NAV3: variants seen among roughly 807,000 people sequenced by gnomAD.
NAV3 encodes neuron navigator 3, also known as pore membrane and/or filament interacting like protein 1.
A neutral mutation model predicts 244.7 loss-of-function variants in NAV3; 87 were observed. The observed-to-expected ratio is 0.36, with a 90% CI of 0.30 to 0.42. NAV3 has a LOEUF of 0.42. Among genes scored for constraint, NAV3 ranks in the 20% least tolerant of loss-of-function variants. The probability of loss-of-function intolerance (pLI) is 1.00; values close to 1 mark genes in which losing one functional copy is unlikely to be tolerated. For synonymous variants in NAV3, 1,126 were observed against 1,042.2 expected (o/e 1.08, Z -1.55); for missense variants, 2,663 against 2,893.3 (o/e 0.92, Z 1.83).
chr12:77,731,848 G>A (rs1345797685), intron 2 of NAV3, among the ~76,000 whole-genome samples: 1 of 151,902 alleles, frequency 6.6e-6, no homozygotes, highest in African/African-American at 2.4e-5. Context: ...TGCTGAAGAA[G>A]CGGAGATTGC....
intron 2 of NAV3, among the ~76,000 whole-genome samples, chr12:77,755,044 C>T (rs1869062830): frequency 6.6e-6 from 1 of 152,014 alleles, no homozygotes; most frequent in Admixed American, 6.5e-5. Flanking sequence ...AAAACAATTC[C>T]AAACCTGAAT....
intron 23 of NAV3, among the ~76,000 whole-genome samples, chr12:78,168,201 T>A (rs1213849496): frequency 6.6e-6 from 1 of 151,770 alleles, no homozygotes; most frequent in Non-Finnish European, 1.5e-5. Flanking sequence ...GACTTTGATA[T>A]GGCATCAGAA....
chr12:78,155,674 C>T (rs2139344887), intron 22 of NAV3, among the ~76,000 whole-genome samples: 1 of 152,172 alleles, frequency 6.6e-6, no homozygotes. Context: ...TCTGCAGCAC[C>T]TGTTATTTCT....
rs1377149299 is a variant in NAV3 at position 78,177,625 on chromosome 12, C to A, written c.5303C>A (p.Pro1768His). ...MKPSQSASAS[P>H]LVWPPKKRQN... Reference sequence around the variant, plus strand: ...CTAACTGTATGTACATACAGGTCACCCCTTGTCTGGCCACCAAAGAAACGA... The same window carrying A: ...CTAACTGTATGTACATACAGGTCACACCTTGTCTGGCCACCAAAGAAACGA... Residue 1768 changes from proline (P) to histidine (H), a missense_variant, in exon 28 of 40, where the codon CCC (proline) becomes CAC (histidine). Pro to His is a moderately conservative substitution (Grantham distance 77). Transcript: ENST00000397909. 1 of 1,597,080 alleles carries A rather than the reference C, an allele frequency of 6.3e-7. No individual in the cohort carries two copies. The highest frequency in any genetic ancestry group is 1.1e-5 in the South Asian group (1 of 91,034).
intron 8 of NAV3, among the ~76,000 whole-genome samples, chr12:78,015,187 C>A (rs1875976235): frequency 1.3e-5 from 2 of 152,024 alleles, no homozygotes; most frequent in Non-Finnish European, 2.9e-5. Context: ...TTTTTGGAAA[C>A]CATTTTAATC....
chr12:77,708,025 G>A (rs1021633928), intron 2 of NAV3, among the ~76,000 whole-genome samples: 1 of 152,068 alleles, frequency 6.6e-6, no homozygotes, highest in African/African-American at 2.4e-5. Context: ...TCACTCTGAT[G>A]GTAGTTTCTT....
At chr12:78,038,724 T>C (rs1195811113) in intron 9 of NAV3, among the ~76,000 whole-genome samples, 1 of 152,208 alleles carries the variant, frequency 6.6e-6, no homozygotes, top group African/African-American at 2.4e-5. Context: ...AAAGTCTTAA[T>C]CTTTATGAAG....
At chr12:77,661,923 G>GTCTTTATAAAAATTGCACATTT (rs1873469314) in intron 2 of NAV3, among the ~76,000 whole-genome samples, 1 of 151,874 alleles carries the variant, frequency 6.6e-6, no homozygotes, top group Non-Finnish European at 1.5e-5. Flanking sequence ...ATTGCACATT[G>GTCTTTATAAAAATTGCACATTT]TCTTTATAAA....
At chr12:78,084,368 C>A (rs559380822) in intron 12 of NAV3, among the ~76,000 whole-genome samples, 1 of 152,142 alleles carries the variant, frequency 6.6e-6, no homozygotes, top group East Asian at 1.9e-4. Flanking sequence ...CAAGGCTAAA[C>A]CCTCCAGTTA....
chr12:78,024,085 C>T (rs1199279596), intron 9 of NAV3, among the ~76,000 whole-genome samples: 1 of 152,168 alleles, frequency 6.6e-6, no homozygotes, highest in African/African-American at 2.4e-5. Context: ...AATGATTCCA[C>T]TAGGATTTCC....
intron 5 of NAV3, among the ~76,000 whole-genome samples, chr12:77,993,561 A>C (rs1871810136): frequency 6.6e-6 from 1 of 152,166 alleles, no homozygotes; most frequent in Non-Finnish European, 1.5e-5. Context: ...TGCTCTGTGA[A>C]TCTGAAAAGC....
chr12:78,071,571 T>G (rs1157310197), intron 12 of NAV3, among the ~76,000 whole-genome samples: 1 of 152,194 alleles, frequency 6.6e-6, no homozygotes, highest in Non-Finnish European at 1.5e-5. Flanking sequence ...AGATCCCATT[T>G]GTCAATCTCG....
rs191226941 is a variant in NAV3, at chr12:77,596,449, A to G, written c.72+24183A>G. 6.2e-4 allele frequency among the ~76,000 whole-genome samples: 95 copies of G among 152,320 alleles called. 1 individual carries two copies. The highest frequency in any genetic ancestry group is 4.0e-3 in the East Asian group (21 of 5,192). Reference sequence around the variant, plus strand: ...ACAGTGACACAAATACTTAAGGTATATAAAACATGGCTCACATTTCTAAAA... The same window carrying G: ...ACAGTGACACAAATACTTAAGGTATGTAAAACATGGCTCACATTTCTAAAA... On this transcript the variant is annotated intron_variant, in intron 2 of 8. Coordinates refer to the NAV3 transcript ENST00000550042.
intron 12 of NAV3, among the ~76,000 whole-genome samples, chr12:78,064,990 C>T (rs145408703): frequency 4.4e-4 from 67 of 152,004 alleles, no homozygotes; most frequent in African/African-American, 1.3e-3. Context: ...CTAACAGATA[C>T]GTAAGATCAA....
chr12:78,100,486 A>G (rs1292067966), intron 12 of NAV3, among the ~76,000 whole-genome samples: 8 of 152,032 alleles, frequency 5.3e-5, no homozygotes, highest in Admixed American at 2.0e-4. Flanking sequence ...CACAAAATAT[A>G]TCTTGAAACT....
intron 2 of NAV3, among the ~76,000 whole-genome samples, chr12:77,697,752 G>T (rs1195836134): frequency 6.6e-6 from 1 of 151,994 alleles, no homozygotes; most frequent in Non-Finnish European, 1.5e-5. Flanking sequence ...TAGCTAGAAT[G>T]GAAGGAATAC....
intron 1 of NAV3, among the ~76,000 whole-genome samples, chr12:77,937,090 A>G (rs1889396262): frequency 1.3e-5 from 2 of 152,164 alleles, no homozygotes; most frequent in Admixed American, 6.6e-5. Flanking sequence ...GTATCTTTTA[A>G]GTATGGAAGA....
intron 1 of NAV3, among the ~76,000 whole-genome samples, chr12:77,891,716 G>C (rs1883961619): frequency 6.6e-6 from 1 of 152,174 alleles, no homozygotes; most frequent in Non-Finnish European, 1.5e-5. Flanking sequence ...TTAAGGACTT[G>C]TACATGACCC....
At chr12:78,038,043 A>G (rs1021681016) in intron 9 of NAV3, among the ~76,000 whole-genome samples, 17 of 152,228 alleles carry the variant, frequency 1.1e-4, no homozygotes, top group African/African-American at 4.1e-4. Flanking sequence ...CTGTTTTCAT[A>G]CTTTAGAAAC....
Sources: allele counts gnomAD v4.1 joint callset (sites outside exome capture counted in the v4.1 genomes callset), GRCh38; gene constraint gnomAD v4.1.1; transcripts MANE v1.5; gene names NCBI Gene and HGNC (gene_info 2026-07-23, HGNC 2026-07-21).